The following CARMIL1 variants were observed in gnomAD, a reference collection of about 807,000 sequenced individuals.
CARMIL1 encodes F-actin-uncapping protein LRRC16A.
In CARMIL1, 90 loss-of-function variants were observed where a neutral mutation model predicts 177.1. The ratio of observed to expected loss-of-function variants is 0.51; its 90% CI spans 0.43 to 0.61. The LOEUF (loss-of-function observed/expected upper bound fraction) is 0.61, where lower values mean the gene tolerates loss of function less well. CARMIL1 is among the 20% of genes least tolerant of loss of function. The pLI is 0.00. For missense variants in CARMIL1, 1,380 were observed against 1,667.0 expected (o/e 0.83, Z 3.00); for synonymous variants, 577 against 606.2 (o/e 0.95, Z 0.71).
chr6:25,505,539 A>G (rs568846658), intron 17 of CARMIL1, among the ~76,000 whole-genome samples: 60 of 152,036 alleles, frequency 3.9e-4, no homozygotes, highest in African/African-American at 1.4e-3. Context: ...TGCAACCTGC[A>G]CCTCCGGGAT....
At chr6:25,609,465 C>CAA (rs11399080) in intron 35 of CARMIL1, among the ~76,000 whole-genome samples, 12,510 of 136,920 alleles carry the variant, frequency 0.091, 688 homozygotes, top group Non-Finnish European at 0.13. Flanking sequence ...GACTCCATCT[C>CAA]AAAAAAAAAA....
At chr6:25,434,387 A>C (rs1462448914) in intron 4 of CARMIL1, among the ~76,000 whole-genome samples, 1 of 152,110 alleles carries the variant, frequency 6.6e-6, no homozygotes, top group Non-Finnish European at 1.5e-5. Flanking sequence ...ATTTTTTGAC[A>C]TGTTTTGGAC....
chr6:25,552,355 A>G (rs2151168692), intron 27 of CARMIL1, among the ~76,000 whole-genome samples: 1 of 152,290 alleles, frequency 6.6e-6, no homozygotes, highest in South Asian at 2.1e-4. Flanking sequence ...TTGAGTATCA[A>G]ATTCTGTCAA....
At chr6:25,289,086 A>G (rs1781744303) in intron 2 of CARMIL1, among the ~76,000 whole-genome samples, 1 of 152,218 alleles carries the variant, frequency 6.6e-6, no homozygotes, top group African/African-American at 2.4e-5. Context: ...GGGACAGTTA[A>G]GAAAAGATAG....
At chr6:25,308,685 T>A (rs1783487991) in intron 2 of CARMIL1, among the ~76,000 whole-genome samples, 2 of 151,946 alleles carry the variant, frequency 1.3e-5, no homozygotes, top group South Asian at 4.1e-4. Flanking sequence ...CGGCCATTTT[T>A]TTTTTTAACA....
intron 8 of CARMIL1, among the ~76,000 whole-genome samples, chr6:25,453,733 A>G (rs1225304886): frequency 6.6e-6 from 1 of 152,154 alleles, no homozygotes; most frequent in Non-Finnish European, 1.5e-5. Flanking sequence ...TGAAAGGATA[A>G]GTTTGTTTTA....
At chr6:25,592,039 GT>G (rs569966128) in intron 31 of CARMIL1, among the ~76,000 whole-genome samples, 1 of 148,598 alleles carries the variant, frequency 6.7e-6, no homozygotes, top group African/African-American at 2.5e-5. Context: ...GTAAAACTTT[GT>G]TTTTTTTTTG....
At chr6:25,586,316 G>A (rs1013033706) in intron 31 of CARMIL1, among the ~76,000 whole-genome samples, 3 of 149,174 alleles carry the variant, frequency 2.0e-5, no homozygotes, top group South Asian at 2.1e-4. Context: ...GTTCCCAGAC[G>A]GGGTCGCGGC....
chr6:25,602,634 A>T (rs1437486314), intron 33 of CARMIL1, among the ~76,000 whole-genome samples: 1 of 152,232 alleles, frequency 6.6e-6, no homozygotes. Flanking sequence ...AATTCAGACC[A>T]GTCATGGGTC....
At chr6:25,288,715 T>C (rs536773817) in intron 2 of CARMIL1, among the ~76,000 whole-genome samples, 91 of 152,274 alleles carry the variant, frequency 6.0e-4, no homozygotes, top group Middle Eastern at 3.4e-3. Flanking sequence ...GCTGCCTCCA[T>C]TGACAGGTTG....
chr6:25,449,040 A>G (rs192080308), intron 5 of CARMIL1, among the ~76,000 whole-genome samples: 27 of 151,034 alleles, frequency 1.8e-4, no homozygotes, highest in Non-Finnish European at 3.2e-4. Context: ...GGCTGGGACT[A>G]TAGGCACATA....
intron 2 of CARMIL1, among the ~76,000 whole-genome samples, chr6:25,377,407 A>G (rs1581730919): frequency 6.6e-6 from 1 of 152,064 alleles, no homozygotes; most frequent in Admixed American, 6.5e-5. Context: ...GATGTCATGT[A>G]CTTCTTCTTC....
intron 17 of CARMIL1, among the ~76,000 whole-genome samples, chr6:25,506,927 T>G (rs1804970493): frequency 6.6e-6 from 1 of 152,208 alleles, no homozygotes. Context: ...TTTGAGTGTT[T>G]GATATAACTT....
chr6:25,482,778 T>C (rs560447729), intron 12 of CARMIL1, among the ~76,000 whole-genome samples: 1 of 152,312 alleles, frequency 6.6e-6, no homozygotes. Flanking sequence ...TGTAGTTCTG[T>C]CTTTAGAGAT....
intron 2 of CARMIL1, among the ~76,000 whole-genome samples, chr6:25,311,310 TAGG>T (rs935153735): frequency 3.3e-5 from 5 of 151,762 alleles, no homozygotes; most frequent in Non-Finnish European, 5.9e-5. Flanking sequence ...ACCTCAAAGG[TAGG>T]AGAATAGGAG....
chr6:25,420,905 G>C lies in CARMIL1; in HGVS notation c.189+741G>C, dbSNP rs116529708. 9.8e-3 allele frequency among the ~76,000 whole-genome samples: 1,489 copies of C among 152,246 alleles called. 22 individuals are homozygous for C. Among genetic ancestry groups the C allele is most frequent in the African/African-American group, 0.033 (1,387 of 41,526 alleles). On this transcript the variant is annotated intron_variant, in intron 3 of 36. Transcript: ENST00000329474. ...AAATTGAGATCTTTTTCCTAAAAAG[G>C]TGATAACATTTACTGGAGTGTTGTT...
Position 25,554,121 on chromosome 6 carries a change from A to G in CARMIL1, c.2592+25A>G, listed in dbSNP as rs369694658. On this transcript the variant is annotated intron_variant, in intron 28 of 36. Coordinates refer to ENST00000329474, the MANE Select transcript of CARMIL1 (RefSeq NM_017640.6). This position sits in a 1 kb window ranked among gnomAD's most constrained non-coding sequence, Gnocchi z 4.6. ...GGTGAGTGCTGTGCACATCTTGAGC[A>G]GGACCTCCTGTTTCAGCTCTGCTGT... 182 of 1,514,428 alleles carry G rather than the reference A, an allele frequency of 1.2e-4. No individual in the cohort carries two copies. In the African/African-American group the frequency reaches 2.3e-3, roughly 20 times the overall value. The allele number at this position is 1,514,428 out of a possible 1,614,324, so 93.8% of individuals were successfully genotyped here. A position where few individuals can be genotyped will look rare whatever the true frequency, so the allele number is the denominator to read the frequency against.
Position 25,509,479 on chromosome 6 carries a change from T to G in CARMIL1, c.1396-177T>G, listed in dbSNP as rs1805257373. ...CACATGGCATAGGAAACAGCAGCAA[T>G]GGCTAGTGATAGGCTCTTTACCCAC... is the stretch of plus-strand genomic sequence containing the variant. On this transcript the variant is annotated intron_variant, in intron 17 of 36. Coordinates refer to ENST00000329474, the MANE Select transcript of CARMIL1 (RefSeq NM_017640.6). This position sits in a 1 kb window ranked among gnomAD's most constrained non-coding sequence, Gnocchi z 4.1. Among the ~76,000 whole-genome samples, 1 of 152,192 alleles carries G rather than the reference T, an allele frequency of 6.6e-6. No individual in the cohort carries two copies. The highest frequency in any genetic ancestry group is 2.1e-4 in the South Asian group (1 of 4,832).
chr6:25,373,875 C>A (rs1163936244), intron 2 of CARMIL1, among the ~76,000 whole-genome samples: 28 of 152,170 alleles, frequency 1.8e-4, no homozygotes, highest in Non-Finnish European at 1.5e-5. Context: ...AGCCACTGTG[C>A]CCGGCCTCCA....
Sources: allele counts gnomAD v4.1 joint callset (sites outside exome capture counted in the v4.1 genomes callset), GRCh38; gene constraint gnomAD v4.1.1; non-coding constraint Gnocchi (gnomAD v3.1); transcripts MANE v1.5; gene names NCBI Gene and HGNC (gene_info 2026-07-23, HGNC 2026-07-21).